TYW1: variants seen among roughly 807,000 people sequenced by gnomAD.
TYW1 encodes the protein tRNA-yW synthesizing protein 1 homolog, also known as S-adenosyl-L-methionine-dependent tRNA 4-demethylwyosine synthase TYW1.
In TYW1, 46 loss-of-function variants were observed where a neutral mutation model predicts 96.2. The ratio of observed to expected loss-of-function variants is 0.48; its 90% CI spans 0.38 to 0.61. The LOEUF (loss-of-function observed/expected upper bound fraction) is 0.61, where lower values mean the gene tolerates loss of function less well. Among genes scored for constraint, TYW1 ranks in the 20% least tolerant of loss-of-function variants. TYW1 has a pLI of 0.00. For synonymous variants in TYW1, 274 were observed against 323.0 expected, an observed-to-expected ratio of 0.85 and a Z score of 1.63; for missense variants, 684 against 909.6, an observed-to-expected ratio of 0.75 and a Z score of 3.19.
intron 14 of TYW1, among the ~76,000 whole-genome samples, chr7:67,193,852 T>TTGTG (rs34815766): frequency 0.016 from 2,434 of 148,784 alleles, 66 homozygotes; most frequent in African/African-American, 0.056. Context: ...TTGTGTGTGT[T>TTGTG]TGTGTGTGTG....
rs935519610 is a variant in TYW1 at position 67,102,943 on chromosome 7, C to T, written c.1562+4225C>T. Reference sequence around the variant, plus strand: ...GGATTATAGGCGTGAGCCATCACGCCCGGTCACGCTTTTGGATTTTTAAAG... The same window carrying T: ...GGATTATAGGCGTGAGCCATCACGCTCGGTCACGCTTTTGGATTTTTAAAG... On this transcript the variant is annotated intron_variant, in intron 12 of 15. Transcript: ENST00000359626. Among the ~76,000 whole-genome samples the T allele has an allele frequency of 3.4e-4, 52 of 152,278 alleles. No individual in the cohort carries two copies. In the East Asian group the frequency reaches 5.4e-3, roughly 16 times the overall value.
At chr7:67,116,262 T>A (rs1237860979) in intron 12 of TYW1, among the ~76,000 whole-genome samples, 3 of 150,138 alleles carry the variant, frequency 2.0e-5, no homozygotes, top group Admixed American at 6.6e-5. Context: ...GAGGCAGAGG[T>A]TGCAGTGAGC....
chr7:67,040,743 C>A (rs1378201314), intron 7 of TYW1, among the ~76,000 whole-genome samples: 1 of 151,692 alleles, frequency 6.6e-6, no homozygotes. Flanking sequence ...TACTGGGAGG[C>A]TGAGGTGGGA....
intron 13 of TYW1, among the ~76,000 whole-genome samples, chr7:67,172,666 G>A (rs1206674532): frequency 1.3e-5 from 2 of 152,106 alleles, no homozygotes; most frequent in Admixed American, 1.3e-4. Context: ...CAGGGGATCT[G>A]CTCACCTCGG....
At position 67,029,415 on chromosome 7, in the gene TYW1, G is replaced by GTGTGTGTATATATA. The variant is rs1241213574; in HGVS notation, c.984+4394_984+4395insGTGTGTATATATAT. 5.3e-5 allele frequency among the ~76,000 whole-genome samples: 5 copies of GTGTGTGTATATATA among 94,350 alleles called. No homozygotes were observed. The South Asian group carries it at 1.3e-3, about 25-fold the overall frequency. 61.9% of individuals were successfully genotyped at this position (94,350 alleles called of 152,430 possible). A position where few individuals can be genotyped will look rare whatever the true frequency, so the allele number is the denominator to read the frequency against. ...TGTGTGTGTGTGTGTGTGTGTGTGT[G>GTGTGTGTATATATA]TATATATATATATATATAAATAGTA... On this transcript the variant is annotated intron_variant, in intron 7 of 15. Transcript: ENST00000359626.
At chr7:67,192,750 G>T (rs1475595792) in intron 14 of TYW1, among the ~76,000 whole-genome samples, 1 of 152,142 alleles carries the variant, frequency 6.6e-6, no homozygotes, top group South Asian at 2.1e-4. Context: ...ATTGACATAG[G>T]GTTTTTGAGG....
intron 15 of TYW1, among the ~76,000 whole-genome samples, 163 bp downstream of exon 15, chr7:67,195,500 C>T (rs186803671): frequency 2.6e-4 from 39 of 152,310 alleles, no homozygotes; most frequent in Admixed American, 6.5e-4. Flanking sequence ...CTGCTGGGCT[C>T]ATAAACTCTT....
intron 7 of TYW1, among the ~76,000 whole-genome samples, chr7:67,038,187 C>T (rs967067769): frequency 3.3e-5 from 5 of 152,090 alleles, no homozygotes; most frequent in African/African-American, 1.2e-4. Context: ...CATGTAGTCC[C>T]AACTACTCAG....
chr7:67,127,459 C>T (rs552255175), intron 13 of TYW1, among the ~76,000 whole-genome samples: 2 of 152,244 alleles, frequency 1.3e-5, no homozygotes, highest in Admixed American at 6.5e-5. Context: ...TGTGCCCGGC[C>T]TCCTTATAAT....
intron 10 of TYW1, among the ~76,000 whole-genome samples, chr7:67,076,020 T>C (rs1039949606): frequency 3.3e-5 from 5 of 152,252 alleles, no homozygotes; most frequent in African/African-American, 9.6e-5. Flanking sequence ...GGCATACTTA[T>C]ACTGGTCAAA....
chr7:67,193,070 C>T (rs1800272924), intron 14 of TYW1, among the ~76,000 whole-genome samples: 1 of 152,138 alleles, frequency 6.6e-6, no homozygotes, highest in African/African-American at 2.4e-5. Flanking sequence ...CATGTTGGTT[C>T]CAACCAATTT....
In TYW1 at chr7:67,195,320, C is replaced by T; in HGVS notation, c.1960C>T (p.Leu654=). Residue 654 remains leucine (L), a synonymous_variant, in exon 15 of 16, where the codon CTG becomes TTG. Transcript: ENST00000359626. ...TGAACACGAACACTCTAATTGCCTC[C>T]TGATAGCACACAGAAAGGTAAGAAT... ...ACEHEHSNCL[L]IAHRKFKIGG... is the part of the protein sequence containing the mutation. 1 of 1,613,494 alleles carries T rather than the reference C, an allele frequency of 6.2e-7. No homozygotes were observed. Among genetic ancestry groups the T allele is most frequent in the East Asian group, 2.2e-5 (1 of 44,860 alleles).
rs7808714 is a variant in TYW1 at position 67,116,788 on chromosome 7, G to A, written c.1563-695G>A. 5.3e-3 allele frequency among the ~76,000 whole-genome samples: 814 copies of A among 152,236 alleles called. 5 individuals are homozygous for A. The highest frequency in any genetic ancestry group is 0.018 in the African/African-American group (738 of 41,540). ...ATGAGGCAGTGAATTTGAGAGAAGC[G>A]GAGAATGAGTGGTATTCATGGAAAC... On this transcript the variant is annotated intron_variant, in intron 12 of 15. Transcript: ENST00000359626.
At chr7:67,208,959 G>T (rs1800907586) in intron 15 of TYW1, among the ~76,000 whole-genome samples, 1 of 152,040 alleles carries the variant, frequency 6.6e-6, no homozygotes, top group Non-Finnish European at 1.5e-5. Flanking sequence ...TTTTGAAAAT[G>T]GATGATTTAT....
chr7:67,156,740 G>A (rs1798986912), intron 13 of TYW1, among the ~76,000 whole-genome samples: 1 of 151,966 alleles, frequency 6.6e-6, no homozygotes, highest in Non-Finnish European at 1.5e-5. Context: ...AGGGCAGGAT[G>A]CAGTCTGGTG....
intron 10 of TYW1, among the ~76,000 whole-genome samples, chr7:67,075,988 A>G (rs371874249): frequency 6.6e-6 from 1 of 152,224 alleles, no homozygotes; most frequent in African/African-American, 2.4e-5. Context: ...AGCTCCCACA[A>G]TTTAGCCTAA....
chr7:67,011,966 C>T (rs1232253054), intron 4 of TYW1, among the ~76,000 whole-genome samples: 1 of 151,820 alleles, frequency 6.6e-6, no homozygotes, highest in South Asian at 2.1e-4. Flanking sequence ...GTGGGCTGGG[C>T]AGCTACTCAG....
At chr7:67,155,499 G>A (rs895878549) in intron 13 of TYW1, among the ~76,000 whole-genome samples, 7 of 151,940 alleles carry the variant, frequency 4.6e-5, no homozygotes, top group South Asian at 2.1e-4. Flanking sequence ...CCTGTACACC[G>A]TGCAAAACTG....
intron 9 of TYW1, among the ~76,000 whole-genome samples, chr7:67,060,535 G>A (rs548241627): frequency 6.6e-6 from 1 of 152,352 alleles, no homozygotes; most frequent in Non-Finnish European, 1.5e-5. Flanking sequence ...CCTATGAGCT[G>A]TTTTGTTTTG....
Sources: allele counts gnomAD v4.1 joint callset (sites outside exome capture counted in the v4.1 genomes callset), GRCh38; gene constraint gnomAD v4.1.1; transcripts MANE v1.5; gene names NCBI Gene and HGNC (gene_info 2026-07-23, HGNC 2026-07-21).